Variants in ABLIM1 observed in about 807,000 individuals in gnomAD.
ABLIM1 encodes actin binding LIM protein 1.
In ABLIM1, 40 loss-of-function variants were observed where a neutral mutation model predicts 107.0. The observed-to-expected ratio is 0.37, with a 90% confidence interval of 0.29 to 0.49. ABLIM1 has a LOEUF of 0.49. Among genes scored for constraint, ABLIM1 ranks in the 20% least tolerant of loss-of-function variants. The pLI, the probability that ABLIM1 is intolerant of heterozygous loss-of-function variation, is 0.97. For synonymous variants in ABLIM1, 357 were observed against 357.3 expected (o/e 1.00, Z 0.01); for missense variants, 857 against 1,008.5 (o/e 0.85, Z 2.04).
chr10:114,626,059 C>T (rs1011273871), intron 1 of ABLIM1, among the ~76,000 whole-genome samples: 1 of 152,116 alleles, frequency 6.6e-6, no homozygotes, highest in Non-Finnish European at 1.5e-5. Flanking sequence ...TTGAGGAGAA[C>T]CCCGCATGAC....
upstream of ABLIM1, among the ~76,000 whole-genome samples, chr10:114,659,562 G>A (rs7893317): frequency 0.061 from 9,281 of 151,988 alleles, 322 homozygotes; most frequent in Middle Eastern, 0.085. Context: ...ATATATATAC[G>A]GGATTCTTGC....
chr10:114,787,450 A>G, the ABLIM1 span, among the ~76,000 whole-genome samples: 1 of 138,726 alleles, frequency 7.2e-6, no homozygotes, highest in African/African-American at 2.8e-5. Flanking sequence ...CCGGGAGGTG[A>G]GGGGCGCCTC....
intron 1 of ABLIM1, among the ~76,000 whole-genome samples, chr10:114,742,003 A>C (rs1372630315): frequency 6.6e-6 from 1 of 152,230 alleles, no homozygotes; most frequent in African/African-American, 2.4e-5. Flanking sequence ...ACAAAACATA[A>C]GTACAGAATA....
chr10:114,444,612 T>A (rs1306433128), intron 16 of ABLIM1, among the ~76,000 whole-genome samples: 1 of 152,166 alleles, frequency 6.6e-6, no homozygotes, highest in East Asian at 1.9e-4. Flanking sequence ...AATAACACTA[T>A]CTTTTGATTT....
At chr10:114,575,277 T>C in intron 3 of ABLIM1, 139 bp downstream of exon 3, 2 of 920,148 alleles carry the variant, frequency 2.2e-6, no homozygotes, top group South Asian at 1.8e-5. Context: ...CTAGGACTGA[T>C]AGTACAGTAA....
At chr10:114,784,173 C>A in the ABLIM1 span, among the ~76,000 whole-genome samples, 39 of 151,240 alleles carry the variant, frequency 2.6e-4, 1 homozygote, top group African/African-American at 8.8e-4. Context: ...TGGCAAAACC[C>A]CATCTCTACT....
chr10:114,591,593 G>T (rs1196875477), intron 2 of ABLIM1, among the ~76,000 whole-genome samples: 1 of 152,100 alleles, frequency 6.6e-6, no homozygotes, highest in Non-Finnish European at 1.5e-5. Flanking sequence ...CTTTCTCACT[G>T]TGTGAAAAAA....
chr10:114,607,740 A>G (rs773872045), intron 1 of ABLIM1, among the ~76,000 whole-genome samples: 1 of 152,172 alleles, frequency 6.6e-6, no homozygotes, highest in Non-Finnish European at 1.5e-5. Context: ...CCTGACAAGT[A>G]CTCTTCAAAA....
intron 1 of ABLIM1, among the ~76,000 whole-genome samples, chr10:114,634,334 T>G (rs35581188): frequency 7.3e-5 from 11 of 150,158 alleles, no homozygotes; most frequent in East Asian, 3.9e-4. Context: ...GGGTTTCACC[T>G]TGTTAGCCAG....
At chr10:114,649,772 G>A (rs1282558870) in intron 1 of ABLIM1, among the ~76,000 whole-genome samples, 2 of 151,920 alleles carry the variant, frequency 1.3e-5, no homozygotes, top group Admixed American at 6.6e-5. Flanking sequence ...GGTAGCCTTC[G>A]TCTTGTAGTC....
intron 12 of ABLIM1, among the ~76,000 whole-genome samples, chr10:114,460,186 C>T (rs1359426500): frequency 6.6e-6 from 1 of 152,200 alleles, no homozygotes; most frequent in Non-Finnish European, 1.5e-5. Context: ...TCTAGTCCAG[C>T]ACTGCCATGT....
intron 1 of ABLIM1, among the ~76,000 whole-genome samples, chr10:114,713,418 A>G (rs564863709): frequency 6.6e-6 from 1 of 152,318 alleles, no homozygotes; most frequent in South Asian, 2.1e-4. Flanking sequence ...TCACAGTAGT[A>G]AGATCCAACA....
chr10:114,631,597 G>C (rs1196471938), intron 1 of ABLIM1, among the ~76,000 whole-genome samples: 1 of 152,034 alleles, frequency 6.6e-6, no homozygotes, highest in Non-Finnish European at 1.5e-5. Context: ...GGCTGGGATG[G>C]GGGGCAAGAC....
intron 1 of ABLIM1, among the ~76,000 whole-genome samples, chr10:114,729,115 T>A (rs900531407): frequency 1.3e-5 from 2 of 152,084 alleles, no homozygotes; most frequent in Non-Finnish European, 2.9e-5. Context: ...TAATCCTAAT[T>A]TCATCCTCAT....
Position 114,635,526 on chromosome 10 carries a change from TTTG to T in ABLIM1, c.244+22428_244+22430del, listed in dbSNP as rs200261142. On this transcript the variant is annotated intron_variant, in intron 1 of 22. Coordinates refer to ENST00000533213, the MANE Select transcript of ABLIM1 (RefSeq NM_002313.7). ...AACCCTCAACACCACTGGACTCATT[TTTG>T]TTGTTGTTGTTTTGAGACGGAGTCT... is the stretch of plus-strand genomic sequence containing the variant. 7.3e-3 allele frequency among the ~76,000 whole-genome samples: 1,116 copies of T among 152,196 alleles called. 15 individuals carry two copies. The highest frequency in any genetic ancestry group is 0.025 in the African/African-American group (1,030 of 41,522).
At chr10:114,630,870 G>A (rs1404421046) in intron 1 of ABLIM1, among the ~76,000 whole-genome samples, 1 of 152,022 alleles carries the variant, frequency 6.6e-6, no homozygotes, top group African/African-American at 2.4e-5. Context: ...AAAATCATTT[G>A]GTGAAGGTCC....
intron 1 of ABLIM1, among the ~76,000 whole-genome samples, chr10:114,744,875 T>C (rs1029066967): frequency 6.6e-6 from 1 of 151,782 alleles, no homozygotes; most frequent in Non-Finnish European, 1.5e-5. Flanking sequence ...AGGACTCGGG[T>C]GTCCAGTTGC....
At chr10:114,713,159 A>C (rs1180805468) in intron 1 of ABLIM1, among the ~76,000 whole-genome samples, 1 of 152,194 alleles carries the variant, frequency 6.6e-6, no homozygotes, top group Non-Finnish European at 1.5e-5. Flanking sequence ...AGGAGCAGCT[A>C]AAGAGACATT....
chr10:114,592,475 G>A (rs1465267492), intron 2 of ABLIM1, among the ~76,000 whole-genome samples: 2 of 152,150 alleles, frequency 1.3e-5, no homozygotes, highest in African/African-American at 4.8e-5. Context: ...ATTGAGGTCT[G>A]TGGATTTCAT....
Sources: allele counts gnomAD v4.1 joint callset (sites outside exome capture counted in the v4.1 genomes callset), GRCh38; gene constraint gnomAD v4.1.1; transcripts MANE v1.5; gene names NCBI Gene and HGNC (gene_info 2026-07-23, HGNC 2026-07-21).